The following PPP4R3B variants were observed in gnomAD, a reference collection of about 807,000 sequenced individuals.
The protein encoded by PPP4R3B is serine/threonine-protein phosphatase 4 regulatory subunit 3B.
Under a neutral mutation model 95.4 loss-of-function variants are expected in PPP4R3B, and 52 were observed. The ratio of observed to expected loss-of-function variants is 0.54; its 90% CI spans 0.44 to 0.69. PPP4R3B has a LOEUF of 0.69. Ranked by LOEUF, PPP4R3B falls within the 30% of genes least tolerant of loss-of-function variation. The pLI, the probability that PPP4R3B is intolerant of heterozygous loss-of-function variation, is 0.00. For synonymous variants in PPP4R3B, 407 were observed against 343.9 expected (o/e 1.18, Z -2.03); for missense variants, 1,003 against 1,005.9 (o/e 1.00, Z 0.04).
intron 2 of PPP4R3B, chr2:55,614,402 T>G (rs536970689): frequency 2.6e-5 from 4 of 152,212 alleles, no homozygotes; most frequent in Non-Finnish European, 5.9e-5. Context: ...ATAAGAATAC[T>G]ATACAGAGTT....
In PPP4R3B at chr2:55,573,200, G is replaced by C. The variant is rs534702545; in HGVS notation, c.1765+419C>G. ...CCACAAAGTACTTTTCATTTGGAGG[G>C]AGGATGTTTCTTTCTCTGCTTGCAG... On this transcript the variant is annotated intron_variant, in intron 12 of 16. Coordinates refer to ENST00000616407, the MANE Select transcript of PPP4R3B (RefSeq NM_001122964.3). Among the ~76,000 whole-genome samples the C allele has an allele frequency of 4.6e-5, 7 of 152,198 alleles. No individual in the cohort carries two copies. The East Asian group carries it at 7.7e-4, about 17-fold the overall frequency.
chr2:55,589,839 C>T (rs1320186017), intron 4 of PPP4R3B, among the ~76,000 whole-genome samples: 1 of 147,810 alleles, frequency 6.8e-6, no homozygotes, highest in Non-Finnish European at 1.5e-5. Context: ...TGGCGTGAAC[C>T]CGGGAGGGGG....
chr2:55,604,915 C>A (rs1693172929), intron 2 of PPP4R3B, among the ~76,000 whole-genome samples: 2 of 152,096 alleles, frequency 1.3e-5, no homozygotes. Flanking sequence ...TCACGACTCA[C>A]TGCAGCCTCG....
intron 15 of PPP4R3B, among the ~76,000 whole-genome samples, 164 bp downstream of exon 15, chr2:55,564,149 C>T (rs1300993508): frequency 6.6e-6 from 1 of 152,072 alleles, no homozygotes; most frequent in African/African-American, 2.4e-5. Context: ...AAAAGAATTC[C>T]CAGACAGATT....
Position 55,617,514 on chromosome 2 carries a change from A to C in PPP4R3B, c.-229T>G. On this transcript the variant is annotated 5_prime_UTR_variant, in exon 1 of 17. Transcript: ENST00000616407. ...TACCTCTCACTTCACCCGCGCATACACCCACTCTCCCGTCTCTTTGCCCCC... is the reference window on the plus strand; with the variant it reads ...TACCTCTCACTTCACCCGCGCATACCCCCACTCTCCCGTCTCTTTGCCCCC... 4.6e-6 allele frequency: 2 copies of C among 432,030 alleles called. No homozygotes were observed. The highest frequency in any genetic ancestry group is 3.7e-5 in the East Asian group (1 of 27,254). The allele number at this position is 432,030 out of a possible 1,614,324, so 26.8% of individuals were successfully genotyped here.
In PPP4R3B at chr2:55,549,244, AT is replaced by A. The variant is rs954519583; in HGVS notation, c.*666del. On this transcript the variant is annotated 3_prime_UTR_variant, in exon 17 of 17. Coordinates refer to ENST00000616407, the MANE Select transcript of PPP4R3B (RefSeq NM_001122964.3). ...TGTCTCTAAAAGTGCTGATTTTAAC[AT>A]TATCTTAAAACTGTCCAGTTTGAAT... 1 of 152,582 alleles carries A rather than the reference AT, an allele frequency of 6.6e-6. No homozygotes were observed. The highest frequency in any genetic ancestry group is 1.5e-5 in the Non-Finnish European group (1 of 68,056). 9.5% of individuals were successfully genotyped at this position (152,582 alleles called of 1,614,324 possible). A position where few individuals can be genotyped will look rare whatever the true frequency, so the allele number is the denominator to read the frequency against.
At chr2:55,579,551 G>A (rs1689154673) in intron 9 of PPP4R3B, 128 bp downstream of exon 9, 1 of 477,692 alleles carries the variant, frequency 2.1e-6, no homozygotes, top group Non-Finnish European at 3.5e-6. Flanking sequence ...ATTTTATATT[G>A]CAGTTTAAGT....
chr2:55,556,104 TA>T (rs1182675626), intron 16 of PPP4R3B, among the ~76,000 whole-genome samples: 3 of 152,212 alleles, frequency 2.0e-5, no homozygotes, highest in Admixed American at 6.5e-5. Flanking sequence ...CAATTGGTGA[TA>T]AAGAATCTGT....
chr2:55,559,144 C>T (rs540709502), intron 15 of PPP4R3B, among the ~76,000 whole-genome samples, 176 bp from the exon 16 acceptor site: 17 of 152,156 alleles, frequency 1.1e-4, no homozygotes, highest in Admixed American at 1.0e-3. Flanking sequence ...GGCCGGAGTT[C>T]AAGACCAGCC....
At chr2:55,587,435 T>A (rs1690297743) in intron 5 of PPP4R3B, among the ~76,000 whole-genome samples, 1 of 151,990 alleles carries the variant, frequency 6.6e-6, no homozygotes, top group Admixed American at 6.6e-5. Context: ...AATACAAAAA[T>A]TAGCTGGGCA....
rs182271296 is a variant in PPP4R3B, at chr2:55,559,458, T to G, written c.2261-490A>C. Among the ~76,000 whole-genome samples the G allele has an allele frequency of 2.0e-5, 3 of 152,346 alleles. No individual in the cohort carries two copies. In the East Asian group the frequency reaches 5.8e-4, roughly 29 times the overall value. On this transcript the variant is annotated intron_variant, in intron 15 of 16. Transcript: ENST00000616407. The stretch of plus-strand genomic sequence containing the variant: ...ACAGTGATGATATGGTCTGGCTCTG[T>G]GTCCCCACCCAAATCGCAAATCAAA...
chr2:55,573,885 C>CT (rs1688309995), intron 11 of PPP4R3B, 108 bp from the exon 12 acceptor site: 8 of 479,416 alleles, frequency 1.7e-5, no homozygotes, highest in South Asian at 6.8e-5. Context: ...TGTATTTCCT[C>CT]CTTTTTTTTT....
chr2:55,583,819 A>G (rs780850164), intron 7 of PPP4R3B, among the ~76,000 whole-genome samples: 2 of 152,246 alleles, frequency 1.3e-5, no homozygotes, highest in Non-Finnish European at 2.9e-5. Flanking sequence ...AGGACACATT[A>G]AAAGATTAAA....
chr2:55,560,560 C>CTT (rs1362696985), intron 15 of PPP4R3B, among the ~76,000 whole-genome samples: 37 of 152,092 alleles, frequency 2.4e-4, no homozygotes, highest in African/African-American at 8.4e-4. Context: ...AAGCGGATCA[C>CTT]GAAGTCAGGA....
intron 7 of PPP4R3B, among the ~76,000 whole-genome samples, chr2:55,582,999 A>G (rs978454311): frequency 1.3e-5 from 2 of 152,128 alleles, no homozygotes; most frequent in Admixed American, 6.6e-5. Context: ...GACTACAGTA[A>G]AAAATGTTAA....
intron 11 of PPP4R3B, among the ~76,000 whole-genome samples, chr2:55,574,328 G>A (rs1174730208): frequency 6.6e-6 from 1 of 151,000 alleles, no homozygotes; most frequent in Non-Finnish European, 1.5e-5. Context: ...ATGAAATACA[G>A]AAAGAAAGGC....
At chr2:55,564,867 T>C in intron 14 of PPP4R3B, 35 bp downstream of exon 14, 2 of 1,590,792 alleles carry the variant, frequency 1.3e-6, no homozygotes, top group Non-Finnish European at 1.7e-6. Flanking sequence ...GGACACAGTT[T>C]TGTAGGCTAT....
chr2:55,579,367 A>T (rs35504023), intron 9 of PPP4R3B, among the ~76,000 whole-genome samples: 1 of 151,418 alleles, frequency 6.6e-6, no homozygotes, highest in Non-Finnish European at 1.5e-5. Flanking sequence ...AAGTGTCTAC[A>T]TATCAATTCC....
chr2:55,606,462 A>C lies in PPP4R3B; in HGVS notation c.199-2386T>G, dbSNP rs900270618. ...CATTTTGGGAGGCTAAGGCAAGTGG[A>C]TCACTTGAGGCCAGGAGTTTGAGAC... On this transcript the variant is annotated intron_variant, in intron 2 of 16. Coordinates refer to ENST00000616407, the MANE Select transcript of PPP4R3B (RefSeq NM_001122964.3). Among the ~76,000 whole-genome samples, 1,178 of 152,176 alleles carry C rather than the reference A, an allele frequency of 7.7e-3. 8 individuals are homozygous for C. The highest frequency in any genetic ancestry group is 0.026 in the African/African-American group (1,064 of 41,512).
Sources: gnomAD v4.1 joint callset for allele counts (sites outside exome capture counted in the v4.1 genomes callset) on GRCh38, gnomAD v4.1.1 for gene constraint, MANE v1.5 for transcripts, NCBI Gene and HGNC (gene_info 2026-07-23, HGNC 2026-07-21) for gene names.